DNER: variants seen among roughly 807,000 people sequenced by gnomAD.
The protein encoded by DNER is delta and Notch-like epidermal growth factor-related receptor.
Under a neutral mutation model 78.2 loss-of-function variants are expected in DNER, and 33 were observed. The observed-to-expected ratio is 0.42, with a 90% CI of 0.32 to 0.56. The LOEUF is 0.56. Among genes scored for constraint, DNER ranks in the 20% least tolerant of loss-of-function variants. The pLI is 0.11. For missense variants in DNER, 918 were observed against 975.3 expected, an observed-to-expected ratio of 0.94 and a Z score of 0.78; for synonymous variants, 417 against 384.8, an observed-to-expected ratio of 1.08 and a Z score of -0.98.
intron 2 of DNER, among the ~76,000 whole-genome samples, chr2:229,590,745 T>C (rs1312459434): frequency 1.3e-5 from 2 of 152,224 alleles, no homozygotes; most frequent in African/African-American, 2.4e-5. Context: ...ATCGTGGACT[T>C]CCTTGTCTCC....
At position 229,505,601 on chromosome 2, in the gene DNER, G is replaced by A. The variant is rs183485091; in HGVS notation, c.1147+7182C>T. Among the ~76,000 whole-genome samples the A allele has an allele frequency of 1.1e-4, 16 of 152,254 alleles. No homozygotes were observed. The East Asian group carries it at 2.9e-3, about 28-fold the overall frequency. On this transcript the variant is annotated intron_variant, in intron 6 of 12. Transcript: ENST00000341772. ...CAGGAGAGCTACAGATTCAAGGAGAGCAGAAATGAATTATTTTAAATTGCT... is the reference window on the plus strand; with the variant it reads ...CAGGAGAGCTACAGATTCAAGGAGAACAGAAATGAATTATTTTAAATTGCT...
intron 8 of DNER, among the ~76,000 whole-genome samples, chr2:229,443,272 A>T (rs1235011145): frequency 6.6e-6 from 1 of 152,176 alleles, no homozygotes; most frequent in Non-Finnish European, 1.5e-5. Context: ...GACTCCTTCC[A>T]ATACCGGTCA....
At chr2:229,617,929 A>G (rs1698193992) in intron 1 of DNER, among the ~76,000 whole-genome samples, 1 of 152,164 alleles carries the variant, frequency 6.6e-6, no homozygotes, top group South Asian at 2.1e-4. Flanking sequence ...ATATGATTGC[A>G]CTCCAATCTG....
intron 1 of DNER, among the ~76,000 whole-genome samples, chr2:229,679,819 T>A (rs1418636005): frequency 6.6e-6 from 1 of 152,178 alleles, no homozygotes; most frequent in African/African-American, 2.4e-5. Context: ...GTTAACCACA[T>A]GTCCTAACAT....
intron 6 of DNER, among the ~76,000 whole-genome samples, chr2:229,509,621 C>A (rs904822091): frequency 1.3e-5 from 2 of 152,154 alleles, no homozygotes; most frequent in African/African-American, 2.4e-5. Flanking sequence ...TGAGACCAGC[C>A]TGGCCATCAT....
intron 4 of DNER, among the ~76,000 whole-genome samples, chr2:229,556,326 A>G (rs1303656566): frequency 1.3e-5 from 2 of 152,376 alleles, no homozygotes; most frequent in Non-Finnish European, 2.9e-5. Flanking sequence ...TGAAACCAGT[A>G]GCTTCAAAAG....
intron 1 of DNER, among the ~76,000 whole-genome samples, chr2:229,633,643 T>A (rs1213876005): frequency 6.6e-6 from 1 of 152,208 alleles, no homozygotes; most frequent in Non-Finnish European, 1.5e-5. Context: ...TCAGGCAGGC[T>A]GGAACAGAAA....
chr2:229,483,380 C>T (rs1046931293), intron 6 of DNER, among the ~76,000 whole-genome samples: 1 of 152,182 alleles, frequency 6.6e-6, no homozygotes, highest in Non-Finnish European at 1.5e-5. Context: ...GGTTCTGCCA[C>T]TTCGTGTCTG....
At chr2:229,713,354 C>A (rs1021183165) in intron 1 of DNER, among the ~76,000 whole-genome samples, 19 of 152,242 alleles carry the variant, frequency 1.2e-4, no homozygotes, top group Non-Finnish European at 1.9e-4. Flanking sequence ...TCACGGGCGG[C>A]TGCTGGCTAC....
chr2:229,446,143 C>T (rs1470947349), intron 8 of DNER, among the ~76,000 whole-genome samples: 1 of 152,180 alleles, frequency 6.6e-6, no homozygotes, highest in Non-Finnish European at 1.5e-5. Flanking sequence ...CCTCTAGAGG[C>T]ATTTCAAACC....
chr2:229,433,578 G>A (rs146354180), intron 8 of DNER, among the ~76,000 whole-genome samples: 1,717 of 152,250 alleles, frequency 0.011, 12 homozygotes, highest in Middle Eastern at 0.037. Flanking sequence ...ATGCCTAAGC[G>A]GAATGAGGAT....
At chr2:229,420,089 T>C (rs1693734205) in intron 8 of DNER, among the ~76,000 whole-genome samples, 1 of 151,766 alleles carries the variant, frequency 6.6e-6, no homozygotes, top group East Asian at 1.9e-4. Flanking sequence ...AGATGAAATC[T>C]ATCCCAGCCT....
intron 6 of DNER, among the ~76,000 whole-genome samples, chr2:229,479,292 C>A (rs1695103647): frequency 6.6e-6 from 1 of 152,124 alleles, no homozygotes. Flanking sequence ...CACAGTCCGC[C>A]TAAGGTTACA....
At chr2:229,680,594 C>T (rs1359608145) in intron 1 of DNER, among the ~76,000 whole-genome samples, 1 of 152,188 alleles carries the variant, frequency 6.6e-6, no homozygotes, top group Non-Finnish European at 1.5e-5. Flanking sequence ...CAGGCTAGAG[C>T]CTGGAATTTC....
chr2:229,538,275 G>A (rs1302043884), intron 5 of DNER, among the ~76,000 whole-genome samples: 1 of 152,152 alleles, frequency 6.6e-6, no homozygotes, highest in Non-Finnish European at 1.5e-5. Flanking sequence ...ATTAAGTCTG[G>A]AGCATCACTC....
In DNER at chr2:229,671,564, A is replaced by G. The variant is rs114720580; in HGVS notation, c.276+42584T>C. 1.9e-3 allele frequency among the ~76,000 whole-genome samples: 287 copies of G among 152,240 alleles called. 1 individual carries two copies. The highest frequency in any genetic ancestry group is 3.7e-3 in the Non-Finnish European group (250 of 68,006). On this transcript the variant is annotated intron_variant, in intron 1 of 12. Transcript: ENST00000341772. ...AGAATATAGGCTCCAAGAAAGCAGGAGTCTTGTCTGTTTTGTTCACTGTCC... is the reference window on the plus strand; with the variant it reads ...AGAATATAGGCTCCAAGAAAGCAGGGGTCTTGTCTGTTTTGTTCACTGTCC...
At chr2:229,384,313 G>A (rs1377992831) in intron 11 of DNER, among the ~76,000 whole-genome samples, 1 of 152,208 alleles carries the variant, frequency 6.6e-6, no homozygotes, top group East Asian at 1.9e-4. Flanking sequence ...AAGTGGGAAA[G>A]ATCTAAAATC....
chr2:229,711,945 G>A (rs1186027483), intron 1 of DNER, among the ~76,000 whole-genome samples: 4 of 151,552 alleles, frequency 2.6e-5, no homozygotes, highest in Non-Finnish European at 5.9e-5. Flanking sequence ...GTCTTACTGC[G>A]AGATCATGAA....
chr2:229,695,764 TG>T (rs1699653546), intron 1 of DNER, among the ~76,000 whole-genome samples: 4 of 152,298 alleles, frequency 2.6e-5, no homozygotes, highest in Admixed American at 2.6e-4. Flanking sequence ...AGTGTCAGAC[TG>T]GGAGTAGGGC....
Sources: allele counts gnomAD v4.1 joint callset (sites outside exome capture counted in the v4.1 genomes callset), GRCh38; gene constraint gnomAD v4.1.1; transcripts MANE v1.5; gene names NCBI Gene and HGNC (gene_info 2026-07-23, HGNC 2026-07-21).